Variants in SOS1 observed in about 807,000 individuals in gnomAD.
SOS1 encodes the protein son of sevenless homolog 1.
SOS1 carries 25 observed loss-of-function variants against 157.6 expected under a neutral mutation model. The observed-to-expected ratio is 0.16, with a 90% confidence interval of 0.12 to 0.22. SOS1 has a LOEUF of 0.22. Among genes scored for constraint, SOS1 ranks in the 10% least tolerant of loss-of-function variants. The pLI, the probability that SOS1 is intolerant of heterozygous loss-of-function variation, is 1.00. For missense variants in SOS1, 1,237 were observed against 1,599.1 expected, an observed-to-expected ratio of 0.77 and a Z score of 3.86; for synonymous variants, 528 against 534.0, an observed-to-expected ratio of 0.99 and a Z score of 0.16.
chr2:39,047,240 T>C (rs984390547), intron 6 of SOS1, among the ~76,000 whole-genome samples: 2 of 152,256 alleles, frequency 1.3e-5, no homozygotes, highest in African/African-American at 4.8e-5. Flanking sequence ...TATCAGCAGT[T>C]ATTCTTTTTT....
At chr2:38,997,930 C>G (rs1188813497) in intron 17 of SOS1, among the ~76,000 whole-genome samples, 1 of 152,168 alleles carries the variant, frequency 6.6e-6, no homozygotes, top group Non-Finnish European at 1.5e-5. Flanking sequence ...TTAGTCAGCT[C>G]TGACGGCCAC....
intron 9 of SOS1, chr2:39,023,671 T>C (rs773599492): frequency 5.1e-5 from 14 of 275,148 alleles, no homozygotes; most frequent in Non-Finnish European, 9.6e-5. Flanking sequence ...ATGCCTCAAG[T>C]TATATAATCC....
chr2:39,031,824 C>T (rs1670169051), intron 8 of SOS1, among the ~76,000 whole-genome samples: 2 of 152,008 alleles, frequency 1.3e-5, no homozygotes, highest in South Asian at 2.1e-4. Flanking sequence ...ACTTCACATA[C>T]AAAAATCACA....
intron 11 of SOS1, among the ~76,000 whole-genome samples, chr2:39,014,249 C>A (rs570363088): frequency 6.6e-6 from 1 of 151,960 alleles, no homozygotes; most frequent in African/African-American, 2.4e-5. Flanking sequence ...CATGCAAATT[C>A]TAAAAATAAA....
chr2:39,046,685 T>C (rs1455480800), intron 6 of SOS1, among the ~76,000 whole-genome samples: 4 of 152,064 alleles, frequency 2.6e-5, no homozygotes, highest in South Asian at 2.1e-4. Context: ...TGGTGTTTTG[T>C]AGAGATGGGG....
chr2:39,047,432 C>T (rs1170111458), intron 6 of SOS1, among the ~76,000 whole-genome samples: 1 of 152,108 alleles, frequency 6.6e-6, no homozygotes, highest in African/African-American at 2.4e-5. Context: ...CTAGTAGATA[C>T]ACCAAACGGT....
chr2:38,997,874 T>C (rs1365528972), intron 17 of SOS1, among the ~76,000 whole-genome samples: 4 of 152,182 alleles, frequency 2.6e-5, no homozygotes, highest in Non-Finnish European at 5.9e-5. Flanking sequence ...CACATCATTT[T>C]TGGCAAACAG....
At chr2:39,073,405 A>G (rs1182563369) in intron 1 of SOS1, among the ~76,000 whole-genome samples, 1 of 152,240 alleles carries the variant, frequency 6.6e-6, no homozygotes, top group Non-Finnish European at 1.5e-5. Context: ...AAAATTTCAT[A>G]TACTTCTTTA....
At chr2:39,034,472 C>T (rs1023246480) in intron 8 of SOS1, among the ~76,000 whole-genome samples, 2 of 152,122 alleles carry the variant, frequency 1.3e-5, no homozygotes, top group Non-Finnish European at 2.9e-5. Context: ...GAAATAATAA[C>T]GCTATTAATG....
In SOS1 at chr2:39,006,397, G is replaced by A; in HGVS notation, c.2791+15C>T. The A allele has an allele frequency of 1.7e-6, 2 of 1,194,400 alleles. No homozygotes were observed. Among genetic ancestry groups the A allele is most frequent in the Non-Finnish European group, 2.5e-6 (2 of 797,814 alleles). The allele number at this position is 1,194,400 out of a possible 1,614,324, so 74.0% of individuals were successfully genotyped here. ...TATCCAGAAATGCAATAAAAATTCA[G>A]AAAGAAATACTTACCAAAGAAAGGC... On this transcript the variant is annotated intron_variant, in intron 17 of 22. Coordinates refer to ENST00000402219, the MANE Select transcript of SOS1 (RefSeq NM_005633.4).
At chr2:39,081,758 G>A (rs374950306) in intron 1 of SOS1, among the ~76,000 whole-genome samples, 74 of 152,190 alleles carry the variant, frequency 4.9e-4, no homozygotes, top group Admixed American at 9.8e-4. Flanking sequence ...CCAGGAGGCA[G>A]AGGTTGCAAT....
chr2:38,991,372 T>C (rs187524331), intron 20 of SOS1, among the ~76,000 whole-genome samples: 17 of 152,338 alleles, frequency 1.1e-4, no homozygotes, highest in Non-Finnish European at 1.8e-4. Context: ...TTGTAATACA[T>C]TCTTTTTGTT....
upstream of SOS1, among the ~76,000 whole-genome samples, chr2:39,123,996 C>T (rs1287050694): frequency 6.6e-6 from 1 of 152,140 alleles, no homozygotes; most frequent in Non-Finnish European, 1.5e-5. Context: ...GCGGCCAGGG[C>T]AGGTTTTCAC....
At chr2:39,013,592 A>G (rs1669534990) in intron 12 of SOS1, 29 bp from the exon 13 acceptor site, 8 of 1,347,172 alleles carry the variant, frequency 5.9e-6, no homozygotes, top group Non-Finnish European at 8.5e-6. Flanking sequence ...ATTGAATTAC[A>G]TGGGAATCAA....
upstream of SOS1, among the ~76,000 whole-genome samples, chr2:39,122,746 G>A (rs886865867): frequency 8.6e-5 from 13 of 151,954 alleles, no homozygotes; most frequent in African/African-American, 3.1e-4. Context: ...GGGTTTCACT[G>A]TATTGGCCAG....
At chr2:39,081,318 G>C (rs561410938) in intron 1 of SOS1, among the ~76,000 whole-genome samples, 1 of 151,956 alleles carries the variant, frequency 6.6e-6, no homozygotes, top group Admixed American at 6.6e-5. Flanking sequence ...TCAGGAGTTC[G>C]AGACCAGCCT....
At chr2:39,104,091 G>A (rs1158000615) in intron 1 of SOS1, among the ~76,000 whole-genome samples, 2 of 152,062 alleles carry the variant, frequency 1.3e-5, no homozygotes, top group Non-Finnish European at 2.9e-5. Context: ...AGACCAGCCT[G>A]GCCAACATGG....
chr2:39,105,422 A>G (rs1279563216), intron 1 of SOS1, among the ~76,000 whole-genome samples: 1 of 152,088 alleles, frequency 6.6e-6, no homozygotes, highest in Non-Finnish European at 1.5e-5. Flanking sequence ...TGGCTGCCAA[A>G]CTACTTTCTA....
chr2:39,004,974 C>T (rs954922078), intron 17 of SOS1, among the ~76,000 whole-genome samples: 1 of 152,102 alleles, frequency 6.6e-6, no homozygotes, highest in Admixed American at 6.6e-5. Context: ...CAGAAAGCAA[C>T]TTAAAATCAC....
Sources: allele counts gnomAD v4.1 joint callset (sites outside exome capture counted in the v4.1 genomes callset), GRCh38; gene constraint gnomAD v4.1.1; transcripts MANE v1.5; gene names NCBI Gene and HGNC (gene_info 2026-07-23, HGNC 2026-07-21).